GABRB2: variants seen among roughly 807,000 people sequenced by gnomAD.
The protein encoded by GABRB2 is gamma-aminobutyric acid type A receptor subunit beta2.
A neutral mutation model predicts 54.7 loss-of-function variants in GABRB2; 16 were observed. That is an observed-to-expected ratio of 0.29 (90% CI 0.20 to 0.44). The LOEUF (loss-of-function observed/expected upper bound fraction) is 0.44, where lower values mean the gene tolerates loss of function less well. Among genes scored for constraint, GABRB2 ranks in the 20% least tolerant of loss-of-function variants. The pLI, the probability that GABRB2 is intolerant of heterozygous loss-of-function variation, is 1.00. For missense variants in GABRB2, 355 were observed against 644.0 expected (o/e 0.55, Z 4.86); for synonymous variants, 244 against 233.8 (o/e 1.04, Z -0.40).
intron 4 of GABRB2, among the ~76,000 whole-genome samples, chr5:161,458,493 T>G (rs1389330064): frequency 6.6e-6 from 1 of 152,116 alleles, no homozygotes; most frequent in African/African-American, 2.4e-5. Flanking sequence ...CAGCTGAATC[T>G]AAGGATCTAA....
intron 5 of GABRB2, among the ~76,000 whole-genome samples, chr5:161,384,206 A>G (rs1347630362): frequency 1.3e-5 from 2 of 152,248 alleles, no homozygotes; most frequent in Non-Finnish European, 2.9e-5. Flanking sequence ...TCAATTAATA[A>G]TTCAAAAGAT....
intron 4 of GABRB2, among the ~76,000 whole-genome samples, chr5:161,416,685 A>G (rs1361674498): frequency 7.1e-6 from 1 of 139,926 alleles, no homozygotes; most frequent in East Asian, 2.1e-4. Context: ...CGGCAGAGCC[A>G]GACTCCGTCT....
chr5:161,313,789 C>T (rs532713786), intron 9 of GABRB2, among the ~76,000 whole-genome samples: 1 of 152,160 alleles, frequency 6.6e-6, no homozygotes, highest in South Asian at 2.1e-4. Context: ...GTGCTCTGAG[C>T]GCTTTCCTAT....
At chr5:161,301,143 A>G (rs1757526162) in intron 9 of GABRB2, among the ~76,000 whole-genome samples, 1 of 152,156 alleles carries the variant, frequency 6.6e-6, no homozygotes, top group African/African-American at 2.4e-5. Context: ...TGTTTGTTCC[A>G]AGGTTTCTGT....
rs539372288 is a variant in GABRB2 at position 161,292,134 on chromosome 5, G to T, written c.*1947C>A. The T allele has an allele frequency of 6.6e-6, 1 of 152,272 alleles. No individual in the cohort carries two copies. Among genetic ancestry groups the T allele is most frequent in the South Asian group, 2.1e-4 (1 of 4,822 alleles). 9.4% of individuals were successfully genotyped at this position (152,272 alleles called of 1,614,324 possible). ...ACCATTCCATTTTGGGGCAAATTCAGAAAGCTGAAGGATAAAGGTTTGTTG... is the reference window on the plus strand; with the variant it reads ...ACCATTCCATTTTGGGGCAAATTCATAAAGCTGAAGGATAAAGGTTTGTTG... On this transcript the variant is annotated 3_prime_UTR_variant, in exon 10 of 10. Coordinates refer to ENST00000393959, the MANE Select transcript of GABRB2 (RefSeq NM_001371727.1).
intron 4 of GABRB2, among the ~76,000 whole-genome samples, chr5:161,424,426 C>G (rs1390304957): frequency 6.6e-6 from 1 of 152,120 alleles, no homozygotes; most frequent in African/African-American, 2.4e-5. Context: ...GGCTCACTTA[C>G]CATTCCCAAA....
intron 4 of GABRB2, among the ~76,000 whole-genome samples, chr5:161,420,410 T>A (rs1756815678): frequency 6.6e-6 from 1 of 152,232 alleles, no homozygotes; most frequent in Admixed American, 6.5e-5. Flanking sequence ...AGTTCCACAA[T>A]CTACCTTTAA....
In GABRB2 at chr5:161,546,576, C is replaced by T. The variant is rs748466575; in HGVS notation, c.68G>A (p.Cys23Tyr). 1 of 1,598,238 alleles carries T rather than the reference C, an allele frequency of 6.3e-7. No homozygotes were observed. The highest frequency in any genetic ancestry group is 8.5e-7 in the Non-Finnish European group (1 of 1,171,520). Residue 23 changes from cysteine (C) to tyrosine (Y), a missense_variant, in exon 1 of 10, where the codon TGT becomes TAT. Transcript: ENST00000393959. ...CGCTGGGCACACTTACCTCTGCGCACAGACAGCGGCGATTATTAAGGGGAA... is the reference window on the plus strand; with the variant it reads ...CGCTGGGCACACTTACCTCTGCGCATAGACAGCGGCGATTATTAAGGGGAA... ...WSFPLIIAAV[C>Y]AQSVNDPSNM...
At chr5:161,375,408 G>A (rs1028038079) in intron 5 of GABRB2, among the ~76,000 whole-genome samples, 1 of 152,130 alleles carries the variant, frequency 6.6e-6, no homozygotes, top group African/African-American at 2.4e-5. Flanking sequence ...CAGGGGAGTG[G>A]AAGAATGGCT....
intron 3 of GABRB2, among the ~76,000 whole-genome samples, chr5:161,477,284 C>CAAAAAAAA (rs70990786): frequency 7.8e-6 from 1 of 127,848 alleles, no homozygotes. Context: ...CAAACAAAAG[C>CAAAAAAAA]AAAAAAAAAA....
intron 9 of GABRB2, among the ~76,000 whole-genome samples, chr5:161,298,498 T>C (rs1184537611): frequency 6.6e-6 from 1 of 152,206 alleles, no homozygotes; most frequent in Non-Finnish European, 1.5e-5. Context: ...AATAAGTAAA[T>C]ATTTATTAAT....
chr5:161,458,965 AT>A (rs1324320474), intron 4 of GABRB2, among the ~76,000 whole-genome samples: 1 of 151,254 alleles, frequency 6.6e-6, no homozygotes, highest in African/African-American at 2.4e-5. Context: ...AGAAAGATAT[AT>A]TTTTTCTTCT....
chr5:161,493,982 GTACATATTCCACAATGTA>G (rs1759152958), intron 3 of GABRB2, among the ~76,000 whole-genome samples: 2 of 151,728 alleles, frequency 1.3e-5, no homozygotes, highest in African/African-American at 4.8e-5. Context: ...TCCACAATGT[GTACATATTCCACAATGTA>G]TACATATTTT....
At chr5:161,522,903 C>T (rs528114903) in intron 3 of GABRB2, among the ~76,000 whole-genome samples, 25 of 151,086 alleles carry the variant, frequency 1.7e-4, no homozygotes, top group Admixed American at 1.1e-3. Flanking sequence ...ATGAGTGTTT[C>T]GGAGGTTTTG....
In GABRB2 at chr5:161,530,217, C is replaced by T. The variant is rs540662050; in HGVS notation, c.237+15010G>A. Among the ~76,000 whole-genome samples, 81 of 152,182 alleles carry T rather than the reference C, an allele frequency of 5.3e-4. 2 individuals are homozygous for T. The South Asian group carries it at 0.015, about 28-fold the overall frequency. On this transcript the variant is annotated intron_variant, in intron 3 of 9. Transcript: ENST00000393959. ...TAAGGGAGAACATGAACAATTAAGA[C>T]GTATTTTGTCCAAATCTGGGAATTT...
In GABRB2 at chr5:161,488,076, C is replaced by T. The variant is rs111515551; in HGVS notation, c.238-28232G>A. ...TAATTGATCAGGTGAATGGGATAAA[C>T]AAATCAATCATTGTTCCTCCTCTAT... On this transcript the variant is annotated intron_variant, in intron 3 of 9. Transcript: ENST00000393959. 7.4e-3 allele frequency among the ~76,000 whole-genome samples: 1,130 copies of T among 151,872 alleles called. 14 individuals are homozygous for T. Among genetic ancestry groups the T allele is most frequent in the African/African-American group, 0.026 (1,061 of 41,480 alleles).
intron 4 of GABRB2, among the ~76,000 whole-genome samples, chr5:161,424,590 C>T (rs1452848786): frequency 6.6e-6 from 1 of 152,064 alleles, no homozygotes; most frequent in Non-Finnish European, 1.5e-5. Flanking sequence ...AACATAGGTT[C>T]CTTTCAAAAT....
At chr5:161,301,313 C>T (rs1001160263) in intron 9 of GABRB2, among the ~76,000 whole-genome samples, 6 of 152,120 alleles carry the variant, frequency 3.9e-5, no homozygotes, top group African/African-American at 1.2e-4. Context: ...TCCTTAAAAT[C>T]GAGTTTCCAC....
In GABRB2 at chr5:161,293,526, T is replaced by C. The variant is rs1757291410; in HGVS notation, c.*555A>G. Reference sequence around the variant, plus strand: ...AAATCGGTTTCCTGAGTCTCTGTCTTGATTCCCCTAGCCTGCTCAAATCAC... The same window carrying C: ...AAATCGGTTTCCTGAGTCTCTGTCTCGATTCCCCTAGCCTGCTCAAATCAC... On this transcript the variant is annotated 3_prime_UTR_variant, in exon 10 of 10. Coordinates refer to ENST00000393959, the MANE Select transcript of GABRB2 (RefSeq NM_001371727.1). The C allele has an allele frequency of 6.6e-6, 1 of 152,578 alleles. No individual in the cohort carries two copies. The allele number at this position is 152,578 out of a possible 1,614,324, so 9.5% of individuals were successfully genotyped here.
Sources: allele counts gnomAD v4.1 joint callset (sites outside exome capture counted in the v4.1 genomes callset), GRCh38; gene constraint gnomAD v4.1.1; transcripts MANE v1.5; gene names NCBI Gene and HGNC (gene_info 2026-07-23, HGNC 2026-07-21).